SERP2: variants seen among roughly 807,000 people sequenced by gnomAD.
The protein encoded by SERP2 is stress associated endoplasmic reticulum protein family member 2, also known as stress-associated endoplasmic reticulum protein 2.
In SERP2, 6 loss-of-function variants were observed where a neutral mutation model predicts 9.1. That is an observed-to-expected ratio of 0.66 (90% CI 0.36 to 1.30). SERP2 has a LOEUF of 1.30. SERP2 is among the 50% of genes most tolerant of loss of function. SERP2 has a pLI of 0.03. For missense variants in SERP2, 58 were observed against 81.9 expected (o/e 0.71, Z 1.13); for synonymous variants, 37 against 27.3 (o/e 1.35, Z -1.10).
chr13:44,377,887 A>G (rs1413822648), intron 1 of SERP2, among the ~76,000 whole-genome samples: 1 of 152,214 alleles, frequency 6.6e-6, no homozygotes, highest in Non-Finnish European at 1.5e-5. Flanking sequence ...AGGCATTTCT[A>G]TATATTACTA....
At chr13:44,376,883 G>A (rs565857551) in intron 1 of SERP2, among the ~76,000 whole-genome samples, 17 of 151,934 alleles carry the variant, frequency 1.1e-4, no homozygotes, top group African/African-American at 4.1e-4. Flanking sequence ...GTTACCCTAC[G>A]GGTATCTTAA....
At chr13:44,387,932 T>C (rs985818683) in intron 2 of SERP2, among the ~76,000 whole-genome samples, 7 of 152,262 alleles carry the variant, frequency 4.6e-5, no homozygotes, top group African/African-American at 1.7e-4. Flanking sequence ...ATTATGAGAA[T>C]TTTAATGGTG....
At chr13:44,389,147 T>C (rs1271691588) in intron 2 of SERP2, among the ~76,000 whole-genome samples, 1 of 152,134 alleles carries the variant, frequency 6.6e-6, no homozygotes, top group Non-Finnish European at 1.5e-5. Flanking sequence ...GACACAAAAT[T>C]TGAGGAAGGT....
chr13:44,376,448 T>A (rs1194498250), intron 1 of SERP2, among the ~76,000 whole-genome samples: 1 of 152,174 alleles, frequency 6.6e-6, no homozygotes, highest in Non-Finnish European at 1.5e-5. Context: ...ACGGATAAAT[T>A]AATATTATTC....
chr13:44,383,542 G>GTT (rs1566091560), intron 2 of SERP2, among the ~76,000 whole-genome samples: 1 of 124,012 alleles, frequency 8.1e-6, no homozygotes, highest in Non-Finnish European at 1.6e-5. Context: ...CTGGAGGTTT[G>GTT]CGTTTTTTTT....
At chr13:44,384,928 G>A (rs950220003) in intron 2 of SERP2, among the ~76,000 whole-genome samples, 5 of 152,204 alleles carry the variant, frequency 3.3e-5, no homozygotes, top group African/African-American at 1.2e-4. Flanking sequence ...GTGATTGGTT[G>A]GGCAAAGTGC....
intron 1 of SERP2, among the ~76,000 whole-genome samples, chr13:44,375,659 C>G (rs964050799): frequency 1.3e-5 from 2 of 152,182 alleles, no homozygotes; most frequent in African/African-American, 4.8e-5. Context: ...TGAAAAATAA[C>G]TAGTCATGTG....
At chr13:44,387,779 T>C (rs1035785494) in intron 2 of SERP2, among the ~76,000 whole-genome samples, 1 of 152,200 alleles carries the variant, frequency 6.6e-6, no homozygotes, top group Non-Finnish European at 1.5e-5. Context: ...CCATCATCCT[T>C]TGACTCTCAG....
intron 1 of SERP2, 105 bp downstream of exon 1, chr13:44,374,214 CG>C: frequency 1.3e-6 from 1 of 754,408 alleles, no homozygotes; most frequent in Non-Finnish European, 1.9e-6. Flanking sequence ...TCCGGCCTCC[CG>C]GCTCCCGGCC....
intron 1 of SERP2, among the ~76,000 whole-genome samples, chr13:44,374,941 A>T (rs529688542): frequency 6.6e-6 from 1 of 152,306 alleles, no homozygotes; most frequent in African/African-American, 2.4e-5. Flanking sequence ...AAGCTTTGCA[A>T]CTGGACTTTT....
chr13:44,391,455 T>C (rs1004062792), intron 2 of SERP2, among the ~76,000 whole-genome samples: 4 of 152,194 alleles, frequency 2.6e-5, no homozygotes, highest in African/African-American at 9.7e-5. Context: ...ACCTGGTCGC[T>C]GTTATCCTGG....
chr13:44,377,441 A>G (rs1871722880), intron 1 of SERP2, among the ~76,000 whole-genome samples: 1 of 152,230 alleles, frequency 6.6e-6, no homozygotes, highest in African/African-American at 2.4e-5. Context: ...CACTTTGTTC[A>G]GGTAGCTTTA....
chr13:44,387,739 G>A (rs867187402), intron 2 of SERP2, among the ~76,000 whole-genome samples: 2 of 152,162 alleles, frequency 1.3e-5, no homozygotes, highest in African/African-American at 2.4e-5. Context: ...GATAATTTCA[G>A]GCAGCATCAA....
chr13:44,387,542 T>C (rs1396184594), intron 2 of SERP2, among the ~76,000 whole-genome samples: 1 of 152,224 alleles, frequency 6.6e-6, no homozygotes, highest in Non-Finnish European at 1.5e-5. Flanking sequence ...ATGAGGTCTT[T>C]TCCTTAATAT....
intron 1 of SERP2, 58 bp downstream of exon 1, chr13:44,374,167 A>AGG: frequency 1.5e-4 from 3 of 19,670 alleles, no homozygotes; most frequent in South Asian, 6.6e-4. Context: ...GGTGGGGCGG[A>AGG]AGGTGGGGGC....
intron 2 of SERP2, among the ~76,000 whole-genome samples, chr13:44,389,788 AC>A: frequency 6.6e-6 from 1 of 152,308 alleles, no homozygotes; most frequent in African/African-American, 2.4e-5. Flanking sequence ...TTCTTTATAA[AC>A]TAGCCCATGA....
At chr13:44,378,038 C>T (rs1168803964) in intron 1 of SERP2, among the ~76,000 whole-genome samples, 1 of 152,148 alleles carries the variant, frequency 6.6e-6, no homozygotes, top group Middle Eastern at 3.2e-3. Context: ...TGTGGCCATA[C>T]AAGTGACGAG....
intron 1 of SERP2, among the ~76,000 whole-genome samples, chr13:44,374,841 T>A (rs1871551908): frequency 6.6e-6 from 1 of 152,200 alleles, no homozygotes; most frequent in South Asian, 2.1e-4. Context: ...TCCTATTCTT[T>A]CCACTTGGTG....
chr13:44,381,238 CAA>C (rs58535681), intron 2 of SERP2, among the ~76,000 whole-genome samples: 952 of 45,982 alleles, frequency 0.021, 10 homozygotes, highest in African/African-American at 0.061. Context: ...AACTCCGTCT[CAA>C]AAAAAAAAAA....
Sources: gnomAD v4.1 joint callset for allele counts (sites outside exome capture counted in the v4.1 genomes callset) on GRCh38, gnomAD v4.1.1 for gene constraint, MANE v1.5 for transcripts, NCBI Gene and HGNC (gene_info 2026-07-23, HGNC 2026-07-21) for gene names.